ASIC2: variants seen among roughly 807,000 people sequenced by gnomAD.
The protein encoded by ASIC2 is acid-sensing ion channel 2.
Under a neutral mutation model 57.3 loss-of-function variants are expected in ASIC2, and 25 were observed. The observed-to-expected ratio is 0.44, with a 90% CI of 0.32 to 0.61. ASIC2 has a LOEUF of 0.61. Ranked by LOEUF, ASIC2 falls within the 20% of genes least tolerant of loss-of-function variation. ASIC2 has a pLI of 0.06. For synonymous variants in ASIC2, 319 were observed against 307.5 expected (o/e 1.04, Z -0.39); for missense variants, 641 against 738.1 (o/e 0.87, Z 1.52).
intron 1 of ASIC2, among the ~76,000 whole-genome samples, chr17:33,214,061 T>C (rs1907381195): frequency 6.6e-6 from 1 of 151,364 alleles, no homozygotes; most frequent in African/African-American, 2.4e-5. Context: ...AAGTGTGGGG[T>C]TAAGTTCTTG....
intron 1 of ASIC2, among the ~76,000 whole-genome samples, chr17:33,992,927 C>T (rs1160474941): frequency 6.6e-6 from 1 of 152,152 alleles, no homozygotes; most frequent in Non-Finnish European, 1.5e-5. Flanking sequence ...TCCCGAGTAG[C>T]TTGCATGAGA....
chr17:33,799,205 T>A (rs1212019922), intron 1 of ASIC2, among the ~76,000 whole-genome samples: 1 of 150,930 alleles, frequency 6.6e-6, no homozygotes, highest in Non-Finnish European at 1.5e-5. Context: ...ATTTGTGTAA[T>A]CAGTTCCTTC....
chr17:33,164,576 G>GCACGCACA (rs1555576024), intron 1 of ASIC2, among the ~76,000 whole-genome samples: 27 of 149,884 alleles, frequency 1.8e-4, no homozygotes, highest in African/African-American at 6.4e-4. Context: ...GCACATGCAC[G>GCACGCACA]CACACACACA....
At chr17:33,337,731 G>C (rs566826833) in intron 1 of ASIC2, among the ~76,000 whole-genome samples, 1 of 151,812 alleles carries the variant, frequency 6.6e-6, no homozygotes, top group East Asian at 1.9e-4. Flanking sequence ...TGTTCCTTCT[G>C]AGGTGTTCTG....
At chr17:34,104,384 G>A (rs1391742053) in intron 1 of ASIC2, among the ~76,000 whole-genome samples, 1 of 152,032 alleles carries the variant, frequency 6.6e-6, no homozygotes, top group East Asian at 1.9e-4. Flanking sequence ...AATACTATCT[G>A]TGAGTTTGAA....
chr17:33,579,153 G>T (rs1320938450), intron 1 of ASIC2, among the ~76,000 whole-genome samples: 1 of 151,996 alleles, frequency 6.6e-6, no homozygotes. Flanking sequence ...AGGCATGATG[G>T]TGGGCGCCTG....
chr17:33,860,904 A>G (rs901870036), intron 1 of ASIC2, among the ~76,000 whole-genome samples: 7 of 152,204 alleles, frequency 4.6e-5, no homozygotes, highest in African/African-American at 1.7e-4. Context: ...ATGTTGAGCA[A>G]TTAAGGCATG....
chr17:34,110,911 G>A (rs1487254291), intron 1 of ASIC2, among the ~76,000 whole-genome samples: 1 of 151,950 alleles, frequency 6.6e-6, no homozygotes, highest in Non-Finnish European at 1.5e-5. Flanking sequence ...TTTCATTCCC[G>A]TCCTGTTACC....
At chr17:33,431,543 C>T (rs532206747) in intron 1 of ASIC2, among the ~76,000 whole-genome samples, 126 of 152,144 alleles carry the variant, frequency 8.3e-4, no homozygotes, top group East Asian at 1.5e-3. Context: ...AGGCGGAGGT[C>T]GCCGTGAGCT....
In ASIC2 at chr17:33,040,616, C is replaced by T. The variant is rs529219848; in HGVS notation, c.988-12224G>A. ...TGTTTAGGTCAGAACATGCTTTCTTCCTTTTCTTTGTCTGGAGAAACCGAT... is the reference window on the plus strand; with the variant it reads ...TGTTTAGGTCAGAACATGCTTTCTTTCTTTTCTTTGTCTGGAGAAACCGAT... On this transcript the variant is annotated intron_variant, in intron 3 of 9. Transcript: ENST00000225823. 1.1e-4 allele frequency among the ~76,000 whole-genome samples: 17 copies of T among 152,328 alleles called. No homozygotes were observed. The East Asian group carries it at 3.3e-3, about 29-fold the overall frequency.
intron 1 of ASIC2, among the ~76,000 whole-genome samples, chr17:33,278,125 C>T (rs1419026555): frequency 1.3e-5 from 2 of 152,040 alleles, no homozygotes; most frequent in South Asian, 4.2e-4. Context: ...GATGTCACTT[C>T]CTCAGAGAAT....
At chr17:33,559,981 T>C (rs1714278127) in intron 1 of ASIC2, among the ~76,000 whole-genome samples, 2 of 152,304 alleles carry the variant, frequency 1.3e-5, no homozygotes, top group South Asian at 4.1e-4. Context: ...GACTACAAAT[T>C]ACTCAAAGGC....
chr17:33,640,698 T>C (rs1435159690), intron 1 of ASIC2, among the ~76,000 whole-genome samples: 1 of 152,226 alleles, frequency 6.6e-6, no homozygotes, highest in African/African-American at 2.4e-5. Flanking sequence ...TCAATGTTAG[T>C]TATTTAGGAA....
chr17:33,271,507 C>G (rs750439468), intron 1 of ASIC2, among the ~76,000 whole-genome samples: 3 of 152,208 alleles, frequency 2.0e-5, no homozygotes, highest in South Asian at 2.1e-4. Flanking sequence ...TCTCCCCCAG[C>G]CTTCCATTCT....
chr17:33,637,739 G>A (rs779615015), intron 1 of ASIC2, among the ~76,000 whole-genome samples: 5 of 152,218 alleles, frequency 3.3e-5, no homozygotes, highest in Admixed American at 1.3e-4. Flanking sequence ...TACCTGACTG[G>A]TACTTCCTGC....
At chr17:33,876,946 GCT>G (rs1344990460) in intron 1 of ASIC2, among the ~76,000 whole-genome samples, 3 of 152,216 alleles carry the variant, frequency 2.0e-5, no homozygotes, top group African/African-American at 7.2e-5. Context: ...TGGGAGCAGA[GCT>G]CTCTGTTATT....
At chr17:34,074,245 C>T (rs115289684) in intron 1 of ASIC2, among the ~76,000 whole-genome samples, 116 of 152,318 alleles carry the variant, frequency 7.6e-4, no homozygotes, top group African/African-American at 2.7e-3. Flanking sequence ...TGGCTAGGAT[C>T]TCTGTGCTGC....
intron 1 of ASIC2, among the ~76,000 whole-genome samples, chr17:34,046,541 C>T (rs1908344370): frequency 6.6e-6 from 1 of 152,206 alleles, no homozygotes; most frequent in Admixed American, 6.5e-5. Context: ...GGACTGGAAG[C>T]CAGCTTGGTT....
intron 1 of ASIC2, among the ~76,000 whole-genome samples, chr17:34,088,868 C>T (rs1462897424): frequency 1.3e-5 from 2 of 152,212 alleles, no homozygotes; most frequent in Non-Finnish European, 2.9e-5. Context: ...TCCTGGTGTG[C>T]TGTTTTTTAA....
Sources: allele counts gnomAD v4.1 joint callset (sites outside exome capture counted in the v4.1 genomes callset), GRCh38; gene constraint gnomAD v4.1.1; transcripts MANE v1.5; gene names NCBI Gene and HGNC (gene_info 2026-07-23, HGNC 2026-07-21).